COL14A1: variants seen among roughly 807,000 people sequenced by gnomAD.
The protein encoded by COL14A1 is collagen alpha-1(XIV) chain.
Under a neutral mutation model 230.3 loss-of-function variants are expected in COL14A1, and 136 were observed. The ratio of observed to expected loss-of-function variants is 0.59; its 90% CI spans 0.51 to 0.68. The LOEUF (loss-of-function observed/expected upper bound fraction) is 0.68. Among genes scored for constraint, COL14A1 ranks in the 30% least tolerant of loss-of-function variants. COL14A1 has a pLI of 0.00. For synonymous variants in COL14A1, 792 were observed against 784.1 expected (o/e 1.01, Z -0.17); for missense variants, 1,976 against 2,215.8 (o/e 0.89, Z 2.17).
At chr8:120,312,328 G>T (rs965055308) in intron 37 of COL14A1, among the ~76,000 whole-genome samples, 2 of 151,966 alleles carry the variant, frequency 1.3e-5, no homozygotes, top group East Asian at 3.9e-4. Context: ...ACCCACATAT[G>T]CTTCCTCTTC....
chr8:120,251,919 C>T (rs1158076170), intron 22 of COL14A1, among the ~76,000 whole-genome samples: 1 of 151,972 alleles, frequency 6.6e-6, no homozygotes, highest in East Asian at 1.9e-4. Context: ...CTTTTTCTAT[C>T]TATTTTGTAA....
At chr8:120,233,855 A>T (rs1385220805) in intron 19 of COL14A1, among the ~76,000 whole-genome samples, 2 of 152,192 alleles carry the variant, frequency 1.3e-5, no homozygotes, top group Non-Finnish European at 2.9e-5. Context: ...TTCTGCGAAA[A>T]AAGTCAATGG....
At chr8:120,222,771 CA>C (rs397762677) in intron 14 of COL14A1, among the ~76,000 whole-genome samples, 18 of 151,072 alleles carry the variant, frequency 1.2e-4, no homozygotes, top group African/African-American at 3.4e-4. Context: ...TCTATTCACT[CA>C]AAAAAAAATA....
chr8:120,155,677 T>G (rs2130508640), intron 2 of COL14A1, among the ~76,000 whole-genome samples: 1 of 152,308 alleles, frequency 6.6e-6, no homozygotes, highest in African/African-American at 2.4e-5. Context: ...ATGCAAAAAC[T>G]TGGGCGATGA....
chr8:120,342,442 C>T lies in COL14A1; in HGVS notation c.4884C>T (p.Ile1628=), dbSNP rs1395803880. The part of the protein sequence containing the change: ...SVARQVCEQL[I]QSHMARYTAI... ...CGCGTCAAGTATGCGAACAGCTCAT[C>T]CAGAGTAAGTATGTAATGGTTACGG... is the stretch of plus-strand genomic sequence containing the variant. The change falls in exon 44 of 48, where the codon ATC becomes ATT. Residue 1628 remains isoleucine, a synonymous_variant. Coordinates refer to ENST00000297848, the MANE Select transcript of COL14A1 (RefSeq NM_021110.4). 1.9e-6 allele frequency: 3 copies of T among 1,613,584 alleles called. No homozygotes were observed. The highest frequency in any genetic ancestry group is 2.2e-5 in the East Asian group (1 of 44,874).
chr8:120,198,560 A>G (rs1051724131), intron 7 of COL14A1, among the ~76,000 whole-genome samples: 5 of 149,986 alleles, frequency 3.3e-5, no homozygotes, highest in African/African-American at 1.2e-4. Flanking sequence ...TTGAGTGCCA[A>G]CATGATGCTA....
intron 42 of COL14A1, among the ~76,000 whole-genome samples, chr8:120,334,146 A>G (rs1489440801): frequency 6.6e-6 from 1 of 152,200 alleles, no homozygotes; most frequent in Non-Finnish European, 1.5e-5. Flanking sequence ...CTAGCAACCC[A>G]GATAGTCTTG....
chr8:120,203,601 C>A, intron 8 of COL14A1, 108 bp from the exon 9 acceptor site: 1 of 832,716 alleles, frequency 1.2e-6, no homozygotes, highest in Non-Finnish European at 1.8e-6. Context: ...GCAGATGATG[C>A]TTTGACTGCA....
intron 45 of COL14A1, among the ~76,000 whole-genome samples, chr8:120,365,546 A>G (rs562734381): frequency 4.4e-4 from 67 of 152,356 alleles, no homozygotes; most frequent in African/African-American, 1.4e-3. Context: ...AACTCCGATT[A>G]GCTACTAAAC....
intron 1 of COL14A1, among the ~76,000 whole-genome samples, chr8:120,145,199 A>G (rs531875281): frequency 1.7e-4 from 26 of 152,324 alleles, no homozygotes; most frequent in African/African-American, 6.0e-4. Context: ...ATCAGAATAT[A>G]TTGAAAACAA....
At chr8:120,330,307 A>G (rs976964903) in intron 40 of COL14A1, among the ~76,000 whole-genome samples, 1 of 151,956 alleles carries the variant, frequency 6.6e-6, no homozygotes, top group African/African-American at 2.4e-5. Context: ...TCTCCTCCAC[A>G]CTCGTCCTAC....
At chr8:120,168,372 G>A in intron 5 of COL14A1, 125 bp downstream of exon 5, 2 of 637,126 alleles carry the variant, frequency 3.1e-6, no homozygotes, top group Non-Finnish European at 5.5e-6. Context: ...ATCGCCTGTG[G>A]CCTCTTTGTA....
chr8:120,370,216 G>T (rs1823539467), intron 47 of COL14A1: 3 of 1,014,566 alleles, frequency 3.0e-6, no homozygotes, highest in Non-Finnish European at 4.4e-6. Flanking sequence ...AAAATTTTCT[G>T]CTTCAGTAGA....
chr8:120,321,192 G>T (rs1193016686), intron 40 of COL14A1, among the ~76,000 whole-genome samples: 7 of 152,166 alleles, frequency 4.6e-5, no homozygotes, highest in African/African-American at 1.7e-4. Context: ...CCCAGTGTGG[G>T]TTACTTTCTT....
chr8:120,200,358 T>A (rs1444280184), intron 8 of COL14A1, among the ~76,000 whole-genome samples: 1 of 152,054 alleles, frequency 6.6e-6, no homozygotes, highest in Non-Finnish European at 1.5e-5. Flanking sequence ...TTAGTCCAAA[T>A]AAAATGCATT....
intron 29 of COL14A1, 63 bp from the exon 30 acceptor site, chr8:120,280,648 G>A: frequency 1.1e-5 from 16 of 1,479,924 alleles, no homozygotes; most frequent in Non-Finnish European, 4.7e-6. Context: ...TCTCAGGACA[G>A]GGAAAGAGTA....
intron 26 of COL14A1, among the ~76,000 whole-genome samples, chr8:120,274,507 C>T (rs953893326): frequency 1.3e-5 from 2 of 151,814 alleles, no homozygotes; most frequent in African/African-American, 4.8e-5. Flanking sequence ...TAATAAAGGG[C>T]ATCCAAACTG....
intron 22 of COL14A1, among the ~76,000 whole-genome samples, chr8:120,254,625 C>A (rs906233094): frequency 6.6e-6 from 1 of 151,732 alleles, no homozygotes; most frequent in Non-Finnish European, 1.5e-5. Context: ...TTTAAAATTA[C>A]CCAACATTTC....
At position 120,172,011 on chromosome 8, in the gene COL14A1, T is replaced by C. The variant is rs73321652; in HGVS notation, c.436+3764T>C. On this transcript the variant is annotated intron_variant, in intron 5 of 47. Transcript: ENST00000297848. ...AGTCCTAGAAATTACATTTGCTTCT[T>C]TTTCAAGGTTGCTAGAATTTTTTAT... is the stretch of plus-strand genomic sequence containing the variant. 8.2e-3 allele frequency among the ~76,000 whole-genome samples: 1,254 copies of C among 152,286 alleles called. 21 individuals are homozygous for C. The highest frequency in any genetic ancestry group is 0.029 in the African/African-American group (1,212 of 41,570).
Sources: gnomAD v4.1 joint callset for allele counts (sites outside exome capture counted in the v4.1 genomes callset) on GRCh38, gnomAD v4.1.1 for gene constraint, MANE v1.5 for transcripts, NCBI Gene and HGNC (gene_info 2026-07-23, HGNC 2026-07-21) for gene names.